Variants in GNB5 observed in about 807,000 individuals in gnomAD.
GNB5 encodes the protein G protein subunit beta 5, also known as guanine nucleotide-binding protein subunit beta-5.
Under a neutral mutation model 55.3 loss-of-function variants are expected in GNB5, and 37 were observed. The observed-to-expected ratio is 0.67, with a 90% CI of 0.51 to 0.88. The LOEUF (loss-of-function observed/expected upper bound fraction) is 0.88, where lower values mean the gene tolerates loss of function less well. Among genes scored for constraint, GNB5 ranks in the 40% least tolerant of loss-of-function variants. GNB5 has a pLI of 0.00. For missense variants in GNB5, 476 were observed against 515.3 expected (o/e 0.92, Z 0.74); for synonymous variants, 219 against 198.5 (o/e 1.10, Z -0.87).
intron 2 of GNB5, 57 bp from the exon 3 acceptor site, chr15:52,179,936 G>C (rs560257160): frequency 1.4e-6 from 2 of 1,441,882 alleles, no homozygotes; most frequent in East Asian, 6.5e-5. Context: ...GCTGAGCCGC[G>C]GCGGGCGCCG....
chr15:52,145,800 G>C (rs1310590835), intron 6 of GNB5, among the ~76,000 whole-genome samples: 3 of 151,964 alleles, frequency 2.0e-5, no homozygotes, highest in Admixed American at 6.6e-5. Context: ...GGCTGGAGAG[G>C]GCTCCAAAGC....
intron 3 of GNB5, among the ~76,000 whole-genome samples, chr15:52,158,874 G>A (rs1190969797): frequency 6.6e-6 from 1 of 152,132 alleles, no homozygotes; most frequent in East Asian, 1.9e-4. Context: ...GTCAAGGGAA[G>A]AGATGGAGCC....
At chr15:52,157,031 G>A (rs1282143536) in intron 3 of GNB5, among the ~76,000 whole-genome samples, 3 of 151,186 alleles carry the variant, frequency 2.0e-5, no homozygotes, top group African/African-American at 4.9e-5. Flanking sequence ...TGCCTCCCGG[G>A]TTCACGCCAT....
At chr15:52,171,235 G>A (rs2034549365) in intron 3 of GNB5, among the ~76,000 whole-genome samples, 1 of 151,842 alleles carries the variant, frequency 6.6e-6, no homozygotes, top group South Asian at 2.1e-4. Context: ...TTTTAATGAT[G>A]ACATTAAAAG....
At chr15:52,187,719 C>T (rs1170669674) in intron 1 of GNB5, among the ~76,000 whole-genome samples, 6 of 152,064 alleles carry the variant, frequency 3.9e-5, no homozygotes, top group Admixed American at 6.6e-5. Flanking sequence ...GAGGCCAAGG[C>T]GGGTGGATCA....
intron 5 of GNB5, chr15:52,149,154 C>T (rs1335161333): frequency 6.6e-6 from 1 of 152,342 alleles, no homozygotes; most frequent in Non-Finnish European, 1.5e-5. Flanking sequence ...GGCTGCTTCC[C>T]ATGACACTGA....
intron 3 of GNB5, among the ~76,000 whole-genome samples, chr15:52,169,538 CAAAAAAAA>C (rs60470864): frequency 5.6e-5 from 4 of 71,484 alleles, no homozygotes; most frequent in South Asian, 7.5e-4. Flanking sequence ...GACTCTGTCT[CAAAAAAAA>C]AAAAAAAAAA....
intron 8 of GNB5, among the ~76,000 whole-genome samples, chr15:52,134,668 C>T (rs1259177932): frequency 6.6e-6 from 1 of 152,228 alleles, no homozygotes; most frequent in African/African-American, 2.4e-5. Flanking sequence ...ACAGCTCATA[C>T]AGCCCTGGCC....
At chr15:52,168,797 G>A (rs576724271) in intron 3 of GNB5, among the ~76,000 whole-genome samples, 1 of 152,266 alleles carries the variant, frequency 6.6e-6, no homozygotes, top group South Asian at 2.1e-4. Flanking sequence ...ACCGAATGGA[G>A]AGCTCAGAAA....
intron 3 of GNB5, among the ~76,000 whole-genome samples, chr15:52,169,147 A>G (rs2034505368): frequency 6.6e-6 from 1 of 152,168 alleles, no homozygotes; most frequent in African/African-American, 2.4e-5. Context: ...AACATGGTGA[A>G]ACCCCGTCTC....
intron 1 of GNB5, among the ~76,000 whole-genome samples, chr15:52,190,501 AG>A (rs1253251052): frequency 1.3e-5 from 2 of 152,212 alleles, no homozygotes; most frequent in African/African-American, 2.4e-5. Flanking sequence ...ACATATAAAA[AG>A]GTGCTCATTA....
At chr15:52,138,527 C>G (rs757564257) in intron 7 of GNB5, 1 of 152,366 alleles carries the variant, frequency 6.6e-6, no homozygotes, top group Non-Finnish European at 1.5e-5. Flanking sequence ...CCTCAGGAGG[C>G]CTGCATACAT....
chr15:52,180,482 C>T (rs2034751453), intron 2 of GNB5: 1 of 152,246 alleles, frequency 6.6e-6, no homozygotes, highest in Non-Finnish European at 1.5e-5. Context: ...AAACTAGTTG[C>T]TGGGTTCTCA....
intron 3 of GNB5, among the ~76,000 whole-genome samples, chr15:52,176,846 C>T (rs1033954527): frequency 6.6e-6 from 1 of 152,106 alleles, no homozygotes; most frequent in African/African-American, 2.4e-5. Context: ...TTTCCCAACT[C>T]ACTGGGAGTA....
At chr15:52,170,887 C>G (rs1186083854) in intron 3 of GNB5, among the ~76,000 whole-genome samples, 1 of 151,724 alleles carries the variant, frequency 6.6e-6, no homozygotes, top group Non-Finnish European at 1.5e-5. Context: ...AGGCAGATCA[C>G]CTGAGGTCAG....
chr15:52,134,916 T>C (rs1003680162), intron 8 of GNB5, among the ~76,000 whole-genome samples: 6 of 152,052 alleles, frequency 3.9e-5, no homozygotes, highest in African/African-American at 1.4e-4. Flanking sequence ...TTCCATCTAC[T>C]GCTTGTACCA....
intron 9 of GNB5, among the ~76,000 whole-genome samples, chr15:52,130,042 C>G (rs1163347587): frequency 2.6e-5 from 4 of 152,182 alleles, no homozygotes; most frequent in African/African-American, 9.7e-5. Context: ...CGCAACTCTC[C>G]TCTACCAACC....
chr15:52,136,966 AT>A (rs1264095736), intron 7 of GNB5: 2 of 453,582 alleles, frequency 4.4e-6, no homozygotes, highest in Non-Finnish European at 8.8e-6. Flanking sequence ...CTGTGAATCG[AT>A]TAGACAACTT....
Position 52,163,829 on chromosome 15 carries a change from C to T in GNB5, c.239-9753G>A, listed in dbSNP as rs138062154. ...AATGCCTCCTCCAGGAGCGTTCCAG[C>T]TGGCATCAGGTTGGTGCCCCTCTGG... On this transcript the variant is annotated intron_variant, in intron 3 of 12. Coordinates refer to ENST00000261837, the MANE Select transcript of GNB5 (RefSeq NM_016194.4). Among the ~76,000 whole-genome samples, 415 of 152,338 alleles carry T rather than the reference C, an allele frequency of 2.7e-3. 2 individuals are homozygous for T. Among genetic ancestry groups the T allele is most frequent in the Middle Eastern group, 6.8e-3 (2 of 294 alleles).
Sources: gnomAD v4.1 joint callset for allele counts (sites outside exome capture counted in the v4.1 genomes callset) on GRCh38, gnomAD v4.1.1 for gene constraint, MANE v1.5 for transcripts, NCBI Gene and HGNC (gene_info 2026-07-23, HGNC 2026-07-21) for gene names.